The following DCLK1 variants were observed in gnomAD, a reference collection of about 807,000 sequenced individuals.
DCLK1 encodes the protein serine/threonine-protein kinase DCLK1.
A neutral mutation model predicts 86.2 loss-of-function variants in DCLK1; 16 were observed. The ratio of observed to expected loss-of-function variants is 0.19; its 90% CI spans 0.13 to 0.28. The LOEUF (loss-of-function observed/expected upper bound fraction) is 0.28. Ranked by LOEUF, DCLK1 falls within the 10% of genes least tolerant of loss-of-function variation. The probability of loss-of-function intolerance (pLI) is 1.00; values close to 1 mark genes in which losing one functional copy is unlikely to be tolerated. For synonymous variants in DCLK1, 369 were observed against 370.5 expected, an observed-to-expected ratio of 1.00 and a Z score of 0.05; for missense variants, 590 against 940.2, an observed-to-expected ratio of 0.63 and a Z score of 4.87.
At chr13:35,834,098 A>G (rs1437301636) in intron 8 of DCLK1, among the ~76,000 whole-genome samples, 1 of 152,204 alleles carries the variant, frequency 6.6e-6, no homozygotes, top group East Asian at 1.9e-4. Context: ...TTAACAGATG[A>G]TAGATGCTGG....
Position 35,862,515 on chromosome 13 carries a change from C to T in DCLK1, c.941-7922G>A, listed in dbSNP as rs142553216. Reference sequence around the variant, plus strand: ...GTAGCAATTTTTTCCACCGCCATGCCACTGTTTCCAAAACTCAACTGCGAT... The same window carrying T: ...GTAGCAATTTTTTCCACCGCCATGCTACTGTTTCCAAAACTCAACTGCGAT... On this transcript the variant is annotated intron_variant, in intron 5 of 16. Coordinates refer to ENST00000360631, the MANE Select transcript of DCLK1 (RefSeq NM_001330071.2). 3.3e-3 allele frequency among the ~76,000 whole-genome samples: 505 copies of T among 152,234 alleles called. 1 individual carries two copies. Among genetic ancestry groups the T allele is most frequent in the African/African-American group, 0.012 (492 of 41,526 alleles).
At chr13:35,923,094 TA>T (rs1875893956) in intron 4 of DCLK1, among the ~76,000 whole-genome samples, 1 of 152,150 alleles carries the variant, frequency 6.6e-6, no homozygotes, top group Non-Finnish European at 1.5e-5. Flanking sequence ...GGAACTTAAG[TA>T]AAGTGAACAG....
At position 35,848,111 on chromosome 13, in the gene DCLK1, C is replaced by G. The variant is rs1026706004; in HGVS notation, c.1035+6388G>C. The G allele has an allele frequency of 8.1e-6, 8 of 985,134 alleles. No homozygotes were observed. The African/African-American group carries it at 1.0e-4, about 13-fold the overall frequency. 61.0% of individuals were successfully genotyped at this position (985,134 alleles called of 1,614,324 possible). On this transcript the variant is annotated intron_variant, in intron 6 of 16. Coordinates refer to ENST00000360631, the MANE Select transcript of DCLK1 (RefSeq NM_001330071.2). The stretch of plus-strand genomic sequence containing the variant: ...AAGTATCGAACTTTGAACTACAGCA[C>G]GATGTCTTCAGAGCGCATTTAAGGA...
At chr13:36,017,090 A>C (rs1881565136) in intron 3 of DCLK1, among the ~76,000 whole-genome samples, 1 of 152,226 alleles carries the variant, frequency 6.6e-6, no homozygotes, top group South Asian at 2.1e-4. Flanking sequence ...AAAATAACAC[A>C]TGAATCCCTG....
rs201207037 is a variant in DCLK1 at position 35,959,552 on chromosome 13, CT to C, written c.724-12096del. 9.3e-3 allele frequency among the ~76,000 whole-genome samples: 1,415 copies of C among 152,242 alleles called. 13 individuals are homozygous for C. Among genetic ancestry groups the C allele is most frequent in the African/African-American group, 0.032 (1,338 of 41,538 alleles). ...AAATCAGATTTTCATTTGAAAGCCCCTGATTTTTAAAAAGTTGGTGATAAAA... is the reference window on the plus strand; with the variant it reads ...AAATCAGATTTTCATTTGAAAGCCCCGATTTTTAAAAAGTTGGTGATAAAA... On this transcript the variant is annotated intron_variant, in intron 3 of 16. Coordinates refer to ENST00000360631, the MANE Select transcript of DCLK1 (RefSeq NM_001330071.2).
At chr13:36,131,657 G>T (rs1278716898), upstream of DCLK1, among the ~76,000 whole-genome samples, 1 of 152,240 alleles carries the variant, frequency 6.6e-6, no homozygotes, top group Non-Finnish European at 1.5e-5. Flanking sequence ...TGGTGGAAGA[G>T]AACGTGGACA....
intron 3 of DCLK1, among the ~76,000 whole-genome samples, chr13:36,087,877 C>T (rs774748033): frequency 1.5e-4 from 23 of 152,220 alleles, no homozygotes; most frequent in African/African-American, 2.4e-4. Flanking sequence ...TGGTCAGAGA[C>T]GAAGAGGGCA....
intron 3 of DCLK1, among the ~76,000 whole-genome samples, chr13:36,103,736 A>T (rs188778077): frequency 1.3e-5 from 2 of 152,210 alleles, no homozygotes; most frequent in Non-Finnish European, 2.9e-5. Flanking sequence ...ATCTGGTGCA[A>T]CATATTATAG....
In DCLK1 at chr13:35,809,910, G is replaced by A. The variant is rs1010777447; in HGVS notation, c.1689-815C>T. On this transcript the variant is annotated intron_variant, in intron 12 of 16. Coordinates refer to ENST00000360631, the MANE Select transcript of DCLK1 (RefSeq NM_001330071.2). ...AAAAAACAAAACAAAACAAAACCTC[G>A]AAAAACTATCTCCAACTGGTCACAG... Among the ~76,000 whole-genome samples the A allele has an allele frequency of 5.3e-5, 8 of 152,240 alleles. No individual in the cohort carries two copies. In the East Asian group the frequency reaches 1.2e-3, roughly 22 times the overall value.
chr13:35,862,509 C>T (rs1430066593), intron 5 of DCLK1, among the ~76,000 whole-genome samples: 1 of 152,170 alleles, frequency 6.6e-6, no homozygotes, highest in Non-Finnish European at 1.5e-5. Context: ...TTTTCCACCG[C>T]CATGCCACTG....
chr13:35,886,606 T>C (rs1873274062), intron 4 of DCLK1, among the ~76,000 whole-genome samples: 1 of 152,222 alleles, frequency 6.6e-6, no homozygotes, highest in South Asian at 2.1e-4. Flanking sequence ...TAGTTTCTGG[T>C]GACTCAGTTA....
intron 3 of DCLK1, among the ~76,000 whole-genome samples, chr13:36,091,275 T>C (rs750198527): frequency 1.3e-5 from 2 of 152,174 alleles, no homozygotes; most frequent in Non-Finnish European, 2.9e-5. Context: ...AGATGACAGG[T>C]TGATAGGTGC....
intron 5 of DCLK1, 94 bp downstream of exon 5, chr13:35,871,130 G>T: frequency 2.0e-6 from 2 of 1,009,260 alleles, no homozygotes; most frequent in Non-Finnish European, 3.0e-6. Context: ...ACCTACACTC[G>T]CTTAAAAACC....
chr13:35,873,859 T>G (rs1024962698), intron 4 of DCLK1, among the ~76,000 whole-genome samples: 19 of 152,344 alleles, frequency 1.2e-4, no homozygotes, highest in Admixed American at 1.2e-3. Context: ...CACACGCATA[T>G]TAGCCATTTG....
At chr13:36,054,654 T>C (rs1229838512) in intron 3 of DCLK1, among the ~76,000 whole-genome samples, 1 of 152,002 alleles carries the variant, frequency 6.6e-6, no homozygotes, top group African/African-American at 2.4e-5. Flanking sequence ...TTAGATATGG[T>C]GATCAGGAAA....
intron 5 of DCLK1, among the ~76,000 whole-genome samples, chr13:35,858,295 T>C (rs1871191579): frequency 6.6e-6 from 1 of 152,114 alleles, no homozygotes; most frequent in African/African-American, 2.4e-5. Flanking sequence ...TGATTGGCTG[T>C]AGAAGATTAA....
intron 3 of DCLK1, among the ~76,000 whole-genome samples, chr13:35,999,959 G>T (rs1180877951): frequency 3.3e-5 from 5 of 152,172 alleles, no homozygotes; most frequent in Admixed American, 3.3e-4. Flanking sequence ...GGAGCAAAAC[G>T]TTTGCATCTG....
chr13:35,834,475 G>A (rs547201874), intron 8 of DCLK1, among the ~76,000 whole-genome samples: 2 of 152,204 alleles, frequency 1.3e-5, no homozygotes, highest in South Asian at 4.2e-4. Context: ...ACTGACCTTG[G>A]GCGCTTAACA....
intron 3 of DCLK1, among the ~76,000 whole-genome samples, chr13:36,089,186 T>G (rs561122417): frequency 6.6e-6 from 1 of 152,316 alleles, no homozygotes; most frequent in South Asian, 2.1e-4. Flanking sequence ...TCAATGGGCC[T>G]GATTTCTGCC....
Sources: gnomAD v4.1 joint callset for allele counts (sites outside exome capture counted in the v4.1 genomes callset) on GRCh38, gnomAD v4.1.1 for gene constraint, MANE v1.5 for transcripts, NCBI Gene and HGNC (gene_info 2026-07-23, HGNC 2026-07-21) for gene names.